PLGRKT: variants seen among roughly 807,000 people sequenced by gnomAD.
The protein encoded by PLGRKT is plasminogen receptor with a C-terminal lysine.
Under a neutral mutation model 18.5 loss-of-function variants are expected in PLGRKT, and 22 were observed. That is an observed-to-expected ratio of 1.19 (90% CI 0.85 to 1.70). The LOEUF is 1.70. Ranked by LOEUF, PLGRKT falls within the 40% of genes most tolerant of loss-of-function variation. The pLI, the probability that PLGRKT is intolerant of heterozygous loss-of-function variation, is 0.00. For synonymous variants in PLGRKT, 72 were observed against 52.8 expected (o/e 1.36, Z -1.58); for missense variants, 235 against 174.4 (o/e 1.35, Z -1.96).
intron 3 of PLGRKT, among the ~76,000 whole-genome samples, chr9:5,375,247 T>C (rs938281757): frequency 5.3e-5 from 8 of 152,206 alleles, no homozygotes; most frequent in African/African-American, 1.4e-4. Flanking sequence ...CCTAATTTGA[T>C]AGTATTGACA....
chr9:5,437,220 G>A (rs530396409), intron 1 of PLGRKT, among the ~76,000 whole-genome samples: 4 of 152,284 alleles, frequency 2.6e-5, no homozygotes, highest in South Asian at 2.1e-4. Flanking sequence ...CCGGTCACCC[G>A]TGAGTACCTA....
intron 5 of PLGRKT, 79 bp from the exon 6 acceptor site, chr9:5,358,439 T>C: frequency 7.6e-7 from 1 of 1,312,050 alleles, no homozygotes; most frequent in South Asian, 1.2e-5. Context: ...GCTATATTCC[T>C]TGACAGGCTC....
At chr9:5,361,288 C>A in intron 4 of PLGRKT, 101 bp from the exon 5 acceptor site, 1 of 642,114 alleles carries the variant, frequency 1.6e-6, no homozygotes, top group South Asian at 2.0e-5. Flanking sequence ...TGGAAGAATG[C>A]CTTTTCCTTC....
chr9:5,383,152 G>A (rs964654169), intron 3 of PLGRKT, among the ~76,000 whole-genome samples: 2 of 152,170 alleles, frequency 1.3e-5, no homozygotes, highest in Admixed American at 6.5e-5. Context: ...GCAGAGATTG[G>A]AGCAATGCAG....
intron 3 of PLGRKT, among the ~76,000 whole-genome samples, chr9:5,386,066 G>A (rs1480103622): frequency 6.6e-6 from 1 of 151,802 alleles, no homozygotes; most frequent in Non-Finnish European, 1.5e-5. Flanking sequence ...TGTGGGACCT[G>A]AGGACAAGGA....
chr9:5,426,868 C>T lies in PLGRKT; in HGVS notation c.81+5029G>A, dbSNP rs567778512. On this transcript the variant is annotated intron_variant, in intron 3 of 5. Coordinates refer to ENST00000223864, the MANE Select transcript of PLGRKT (RefSeq NM_018465.4). ...CAATGTACCTCAGCTATGTCACAAA[C>T]CCAAAGCATCCATCCCAGCATCCAA... 2.6e-5 allele frequency among the ~76,000 whole-genome samples: 4 copies of T among 152,262 alleles called. No individual in the cohort carries two copies. In the South Asian group the frequency reaches 8.3e-4, roughly 32 times the overall value.
chr9:5,425,775 G>A (rs570716831), intron 3 of PLGRKT, among the ~76,000 whole-genome samples: 88 of 152,082 alleles, frequency 5.8e-4, no homozygotes, highest in Non-Finnish European at 1.0e-3. Context: ...GTTGAATCAT[G>A]AGTGGTCTTT....
At chr9:5,380,931 T>G (rs866496298) in intron 3 of PLGRKT, among the ~76,000 whole-genome samples, 1 of 152,158 alleles carries the variant, frequency 6.6e-6, no homozygotes, top group East Asian at 1.9e-4. Flanking sequence ...CATGCTGTTC[T>G]CATGATAGTG....
chr9:5,380,743 G>A (rs1367591405), intron 3 of PLGRKT, among the ~76,000 whole-genome samples: 1 of 152,182 alleles, frequency 6.6e-6, no homozygotes, highest in Non-Finnish European at 1.5e-5. Context: ...TAACCTTGGT[G>A]CCTAGAAGAG....
At chr9:5,367,418 A>T (rs758700540) in intron 3 of PLGRKT, among the ~76,000 whole-genome samples, 8 of 152,138 alleles carry the variant, frequency 5.3e-5, no homozygotes, top group South Asian at 4.1e-4. Context: ...AAGAATAGAG[A>T]ATTCATAAAT....
chr9:5,432,037 G>A (rs957652333), intron 2 of PLGRKT, 54 bp from the exon 3 acceptor site: 2 of 780,170 alleles, frequency 2.6e-6, no homozygotes, highest in African/African-American at 3.4e-5. Flanking sequence ...ATGCATTCTT[G>A]TATGCTCCAC....
rs182287593 is a variant in PLGRKT at position 5,389,619 on chromosome 9, G to A, written c.82-27731C>T. 1.1e-4 allele frequency among the ~76,000 whole-genome samples: 16 copies of A among 151,968 alleles called. No individual in the cohort carries two copies. In the East Asian group the frequency reaches 2.5e-3, roughly 24 times the overall value. On this transcript the variant is annotated intron_variant, in intron 3 of 5. Transcript: ENST00000223864. ...TAACTGATCTAGGAAGACCCCAATT[G>A]CTTAGTCCTAGACATGCTCATCTTC...
In PLGRKT at chr9:5,405,504, TG is replaced by T. The variant is rs1255570953; in HGVS notation, c.81+26392del. Among the ~76,000 whole-genome samples the T allele has an allele frequency of 3.3e-5, 5 of 152,304 alleles. No individual in the cohort carries two copies. The South Asian group carries it at 6.2e-4, about 19-fold the overall frequency. On this transcript the variant is annotated intron_variant, in intron 3 of 5. Transcript: ENST00000223864. ...TGACAAACCTGACAAAAACAAGCAATGGGGAAAGGACTCCCTATTTAATAAA... is the reference window on the plus strand; with the variant it reads ...TGACAAACCTGACAAAAACAAGCAATGGGAAAGGACTCCCTATTTAATAAA...
intron 3 of PLGRKT, among the ~76,000 whole-genome samples, chr9:5,364,603 G>A (rs1817342132): frequency 6.6e-6 from 1 of 152,158 alleles, no homozygotes; most frequent in South Asian, 2.1e-4. Flanking sequence ...CTCAATGAAG[G>A]GTTGGGGGAA....
rs1818519052 is a variant in PLGRKT, at chr9:5,418,958, C to A, written c.81+12939G>T. On this transcript the variant is annotated intron_variant, in intron 3 of 5. Transcript: ENST00000223864. This position sits in a 1 kb window ranked among gnomAD's most constrained non-coding sequence, Gnocchi z 4.2. ...AACAGATCTGACATTCTAGCAGAGTCCTGGGACAGCGTCTCCATGGTGGAC... is the reference window on the plus strand; with the variant it reads ...AACAGATCTGACATTCTAGCAGAGTACTGGGACAGCGTCTCCATGGTGGAC... 2 of 721,668 alleles carry A rather than the reference C, an allele frequency of 2.8e-6. No homozygotes were observed. Among genetic ancestry groups the A allele is most frequent in the Non-Finnish European group, 4.6e-6 (2 of 436,486 alleles). The allele number at this position is 721,668 out of a possible 1,614,324, so 44.7% of individuals were successfully genotyped here.
At chr9:5,389,795 G>T (rs1384046849) in intron 3 of PLGRKT, among the ~76,000 whole-genome samples, 1 of 151,856 alleles carries the variant, frequency 6.6e-6, no homozygotes, top group Non-Finnish European at 1.5e-5. Context: ...ATGACCGAAG[G>T]CCATTATAAG....
At chr9:5,404,277 A>G (rs1464127190) in intron 3 of PLGRKT, among the ~76,000 whole-genome samples, 2 of 152,230 alleles carry the variant, frequency 1.3e-5, no homozygotes, top group Non-Finnish European at 2.9e-5. Flanking sequence ...TCATTCTATG[A>G]GGACAGCATC....
intron 3 of PLGRKT, chr9:5,392,795 T>C (rs1817974087): frequency 6.6e-6 from 1 of 151,898 alleles, no homozygotes; most frequent in South Asian, 2.1e-4. Context: ...TGCCCCTTTA[T>C]TTAAATTTCC....
At chr9:5,371,456 C>T (rs72703664) in intron 3 of PLGRKT, among the ~76,000 whole-genome samples, 5 of 152,142 alleles carry the variant, frequency 3.3e-5, no homozygotes, top group Non-Finnish European at 5.9e-5. Flanking sequence ...ATAACTCTCA[C>T]GAGATCTGAT....
Sources: allele counts gnomAD v4.1 joint callset (sites outside exome capture counted in the v4.1 genomes callset), GRCh38; gene constraint gnomAD v4.1.1; non-coding constraint Gnocchi (gnomAD v3.1); transcripts MANE v1.5; gene names NCBI Gene and HGNC (gene_info 2026-07-23, HGNC 2026-07-21).